The following NRXN1 variants were observed in gnomAD, a reference collection of about 807,000 sequenced individuals.
The protein encoded by NRXN1 is neurexin-1.
A neutral mutation model predicts 150.9 loss-of-function variants in NRXN1; 39 were observed. That is an observed-to-expected ratio of 0.26 (90% CI 0.20 to 0.34). The LOEUF is 0.34. Among genes scored for constraint, NRXN1 ranks in the 10% least tolerant of loss-of-function variants. NRXN1 has a pLI of 1.00. For synonymous variants in NRXN1, 924 were observed against 757.0 expected (o/e 1.22, Z -3.62); for missense variants, 1,815 against 1,949.9 (o/e 0.93, Z 1.30).
At chr2:50,194,617 C>T (rs1021170601) in intron 18 of NRXN1, among the ~76,000 whole-genome samples, 1 of 152,140 alleles carries the variant, frequency 6.6e-6, no homozygotes, top group African/African-American at 2.4e-5. Context: ...AGTCTCAAGA[C>T]TTGAATTCCA....
At chr2:50,197,189 C>T (rs181801274) in intron 18 of NRXN1, among the ~76,000 whole-genome samples, 88 of 152,192 alleles carry the variant, frequency 5.8e-4, no homozygotes, top group African/African-American at 2.0e-3. Flanking sequence ...AGTTCAGCTG[C>T]CAAATCTTTG....
chr2:50,191,198 G>GTTTTTTTTTT (rs199985011), intron 18 of NRXN1, among the ~76,000 whole-genome samples: 3 of 117,526 alleles, frequency 2.6e-5, no homozygotes, highest in African/African-American at 6.1e-5. Flanking sequence ...TCAGCTAATT[G>GTTTTTTTTTT]TTTTTTGTTT....
intron 18 of NRXN1, among the ~76,000 whole-genome samples, chr2:50,091,847 C>T (rs1020943584): frequency 2.0e-5 from 3 of 152,100 alleles, no homozygotes; most frequent in Admixed American, 1.3e-4. Flanking sequence ...ACAAGAAAAA[C>T]GGGGCTCCAA....
rs189917461 is a variant in NRXN1, at chr2:50,478,402, C to G, written c.3071-5931G>C. Among the ~76,000 whole-genome samples, 268 of 152,248 alleles carry G rather than the reference C, an allele frequency of 1.8e-3. 2 individuals are homozygous for G. The highest frequency in any genetic ancestry group is 5.2e-3 in the Admixed American group (80 of 15,302). On this transcript the variant is annotated intron_variant, in intron 15 of 22. Coordinates refer to ENST00000401669, the MANE Select transcript of NRXN1 (RefSeq NM_001330078.2). ...TACAAGATCATTTCTAAGTTCAAGGCTTGTAAAATATTCAAAATGGAAATC... is the reference window on the plus strand; with the variant it reads ...TACAAGATCATTTCTAAGTTCAAGGGTTGTAAAATATTCAAAATGGAAATC...
At chr2:50,267,754 G>A (rs669401) in intron 17 of NRXN1, among the ~76,000 whole-genome samples, 62,382 of 151,882 alleles carry the variant, frequency 0.41, 13,017 homozygotes, top group Middle Eastern at 0.46. Context: ...AGTAACCGTT[G>A]TATAAATAAT....
At chr2:50,650,268 A>T (rs1208327068) in intron 5 of NRXN1, among the ~76,000 whole-genome samples, 1 of 152,048 alleles carries the variant, frequency 6.6e-6, no homozygotes, top group Non-Finnish European at 1.5e-5. Context: ...TACTGCCTTT[A>T]TATACATGAT....
At chr2:50,863,723 A>G (rs572905845) in intron 5 of NRXN1, among the ~76,000 whole-genome samples, 1 of 152,146 alleles carries the variant, frequency 6.6e-6, no homozygotes, top group East Asian at 1.9e-4. Context: ...TGATTTCCAA[A>G]TGAATGGCAT....
intron 8 of NRXN1, among the ~76,000 whole-genome samples, chr2:50,586,626 A>G (rs1317098846): frequency 6.6e-6 from 1 of 152,126 alleles, no homozygotes; most frequent in Non-Finnish European, 1.5e-5. Context: ...TCTAAGAAAA[A>G]TTAGTGGCTT....
intron 17 of NRXN1, among the ~76,000 whole-genome samples, chr2:50,462,411 AC>A (rs1232746452): frequency 6.6e-6 from 1 of 151,742 alleles, no homozygotes; most frequent in Non-Finnish European, 1.5e-5. Context: ...GAAAGAAAGA[AC>A]AAAACTGGCA....
At chr2:50,036,870 A>G (rs926610214) in intron 21 of NRXN1, among the ~76,000 whole-genome samples, 1 of 152,190 alleles carries the variant, frequency 6.6e-6, no homozygotes, top group Non-Finnish European at 1.5e-5. Flanking sequence ...TCTAGCTAGC[A>G]TGGCAAGCTG....
chr2:50,921,843 T>A (rs754709082), intron 5 of NRXN1, 26 bp downstream of exon 5: 11 of 1,191,282 alleles, frequency 9.2e-6, no homozygotes, highest in African/African-American at 1.6e-5. Flanking sequence ...CAGATGATAT[T>A]AAGAAGAAAT....
At chr2:50,122,505 G>A (rs1454863630) in intron 18 of NRXN1, among the ~76,000 whole-genome samples, 1 of 152,218 alleles carries the variant, frequency 6.6e-6, no homozygotes, top group African/African-American at 2.4e-5. Flanking sequence ...CCCACTTGCT[G>A]TTTTCACAAA....
chr2:50,506,749 G>C, intron 12 of NRXN1, 132 bp from the exon 13 acceptor site: 4 of 896,530 alleles, frequency 4.5e-6, no homozygotes, highest in Non-Finnish European at 6.6e-6. Flanking sequence ...AAGGAAGAAA[G>C]AGAGAGAGGA....
At chr2:50,957,265 A>T (rs778317156) in intron 2 of NRXN1, among the ~76,000 whole-genome samples, 30 of 152,150 alleles carry the variant, frequency 2.0e-4, no homozygotes, top group Admixed American at 9.8e-4. Context: ...CTTATTAGCT[A>T]TGTGTCCTTG....
intron 13 of NRXN1, among the ~76,000 whole-genome samples, chr2:50,505,997 T>C (rs1274505670): frequency 6.6e-6 from 1 of 152,140 alleles, no homozygotes. Flanking sequence ...TCCTTAATAT[T>C]AGAATTTAAC....
rs1335048949 is a variant in NRXN1, at chr2:50,060,565, A to G, written c.3719-5521T>C. Among the ~76,000 whole-genome samples, 3 of 152,104 alleles carry G rather than the reference A, an allele frequency of 2.0e-5. No individual in the cohort carries two copies. In the East Asian group the frequency reaches 5.8e-4, roughly 29 times the overall value. ...GAGGGCATGAGATTTGGGAGGGGCC[A>G]GGGATATGGTTTGGCTGTGTCCCCA... On this transcript the variant is annotated intron_variant, in intron 19 of 22. Coordinates refer to ENST00000401669, the MANE Select transcript of NRXN1 (RefSeq NM_001330078.2).
chr2:50,793,166 A>G (rs1179334835), intron 5 of NRXN1, among the ~76,000 whole-genome samples: 2 of 152,194 alleles, frequency 1.3e-5, no homozygotes, highest in African/African-American at 4.8e-5. Flanking sequence ...TCTCCAATCT[A>G]TGATAAAAGC....
At chr2:50,781,784 T>G (rs1390744378) in intron 5 of NRXN1, among the ~76,000 whole-genome samples, 1 of 152,210 alleles carries the variant, frequency 6.6e-6, no homozygotes, top group African/African-American at 2.4e-5. Flanking sequence ...TATTAGTTAA[T>G]AGAGTATGCT....
chr2:50,888,377 G>A (rs111585252), intron 5 of NRXN1, among the ~76,000 whole-genome samples: 45 of 151,608 alleles, frequency 3.0e-4, no homozygotes, highest in African/African-American at 9.2e-4. Context: ...TGTTTGCAAG[G>A]GTCTTATGCC....
Sources: gnomAD v4.1 joint callset for allele counts (sites outside exome capture counted in the v4.1 genomes callset) on GRCh38, gnomAD v4.1.1 for gene constraint, MANE v1.5 for transcripts, NCBI Gene and HGNC (gene_info 2026-07-23, HGNC 2026-07-21) for gene names.